Variants in GEM observed in about 807,000 individuals in gnomAD.
GEM encodes the protein GTP-binding protein GEM.
Under a neutral mutation model 33.0 loss-of-function variants are expected in GEM, and 31 were observed. That is an observed-to-expected ratio of 0.94 (90% confidence interval 0.71 to 1.27). GEM has a LOEUF of 1.27. Among genes scored for constraint, GEM ranks in the 50% most tolerant of loss-of-function variants. The pLI is 0.00. For missense variants in GEM, 354 were observed against 390.5 expected, an observed-to-expected ratio of 0.91 and a Z score of 0.79; for synonymous variants, 141 against 143.7, an observed-to-expected ratio of 0.98 and a Z score of 0.13.
chr8:94,252,171 A>T lies in GEM; in HGVS notation c.461T>A (p.Leu154Gln), dbSNP rs1808790064. Residue 154 changes from leucine to glutamine, a missense_variant, in exon 4 of 5, where the codon CTG (leucine) becomes CAG (glutamine). Coordinates refer to ENST00000297596, the MANE Select transcript of GEM (RefSeq NM_005261.4). ...DHCMQVGDAY[L>Q]IVYSITDRAS... ...TCGGTCTGTGATTGAGTAGACAATC[A>T]GGTATGCGTCCCCGACCTGCATGCA... The T allele has an allele frequency of 6.2e-7, 1 of 1,613,592 alleles. No homozygotes were observed. Among genetic ancestry groups the T allele is most frequent in the Non-Finnish European group, 8.5e-7 (1 of 1,179,658 alleles).
chr8:94,261,280 A>G (rs919658524), intron 1 of GEM, among the ~76,000 whole-genome samples: 1 of 152,194 alleles, frequency 6.6e-6, no homozygotes, highest in Non-Finnish European at 1.5e-5. Flanking sequence ...GTTCAGACCT[A>G]TGAAATTTGC....
At chr8:94,251,076 C>A (rs1040390425) in intron 4 of GEM, among the ~76,000 whole-genome samples, 5 of 152,094 alleles carry the variant, frequency 3.3e-5, no homozygotes, top group Non-Finnish European at 5.9e-5. Flanking sequence ...GTTCTCAAGC[C>A]CATACTCAAC....
At chr8:94,257,781 A>G (rs530810840) in intron 2 of GEM, among the ~76,000 whole-genome samples, 91 of 152,148 alleles carry the variant, frequency 6.0e-4, no homozygotes, top group Non-Finnish European at 7.9e-4. Context: ...ACTGTAGTGT[A>G]ACTGTAACAA....
At chr8:94,260,672 A>T (rs2129781427) in intron 1 of GEM, 160 bp from the exon 2 acceptor site, 2 of 583,810 alleles carry the variant, frequency 3.4e-6, no homozygotes, top group Non-Finnish European at 6.1e-6. Flanking sequence ...AACCCCAACA[A>T]GACAGGCTTT....
intron 4 of GEM, among the ~76,000 whole-genome samples, chr8:94,251,013 C>T (rs1217496202): frequency 6.6e-6 from 1 of 152,186 alleles, no homozygotes; most frequent in Non-Finnish European, 1.5e-5. Context: ...GGAGTCTCCT[C>T]TGCAGGTGAA....
intron 2 of GEM, among the ~76,000 whole-genome samples, chr8:94,256,451 T>C (rs184122410): frequency 5.9e-5 from 9 of 152,320 alleles, no homozygotes; most frequent in Admixed American, 1.3e-4. Flanking sequence ...TGCTTGGAAG[T>C]GAGGCCCCTT....
intron 4 of GEM, among the ~76,000 whole-genome samples, chr8:94,250,877 T>A (rs1046703103): frequency 3.3e-5 from 5 of 152,252 alleles, no homozygotes; most frequent in African/African-American, 1.2e-4. Context: ...GCCATACCCT[T>A]AATTTACTGC....
intron 2 of GEM, among the ~76,000 whole-genome samples, chr8:94,253,429 T>C (rs189373004): frequency 6.6e-6 from 1 of 152,320 alleles, no homozygotes; most frequent in East Asian, 1.9e-4. Context: ...ATAAACTTAC[T>C]CAAGAGCTTT....
At chr8:94,260,798 T>C (rs965179595) in intron 1 of GEM, 3 of 290,880 alleles carry the variant, frequency 1.0e-5, no homozygotes, top group Non-Finnish European at 1.9e-5. Context: ...GGCTTCCCCC[T>C]TCCTCAAAGC....
At position 94,250,462 on chromosome 8, in the gene GEM, C is replaced by T. The variant is rs141202489; in HGVS notation, c.739G>A (p.Glu247Lys). The change falls in exon 5 of 5, where the codon GAG becomes AAG. Residue 247 changes from glutamate (E) to lysine (K), a missense_variant. By Grantham distance (56) the Glu-to-Lys change is moderately conservative. Coordinates refer to ENST00000297596, the MANE Select transcript of GEM (RefSeq NM_005261.4). ...TAGGCCAGCCGCCGTTCATTCTTCT[C>T]CTTGCTGTCCCGCCGAAGGCGCACC... Reference protein sequence around the residue: ...RQVRLRRDSKEKNERRLAYQK... With the variant: ...RQVRLRRDSKKKNERRLAYQK... 431 of 1,614,130 alleles carry T rather than the reference C, an allele frequency of 2.7e-4. No individual in the cohort carries two copies. Among genetic ancestry groups the T allele is most frequent in the Non-Finnish European group, 3.5e-4 (415 of 1,180,048 alleles).
chr8:94,261,156 G>T (rs1285649943), intron 1 of GEM, among the ~76,000 whole-genome samples: 5 of 152,060 alleles, frequency 3.3e-5, no homozygotes, highest in Admixed American at 3.3e-4. Context: ...GGGTAGGGGG[G>T]AAATTTTCTG....
intron 2 of GEM, among the ~76,000 whole-genome samples, chr8:94,255,532 T>C (rs1265475630): frequency 6.6e-6 from 1 of 152,114 alleles, no homozygotes; most frequent in Non-Finnish European, 1.5e-5. Context: ...GCATCCCGAC[T>C]GAAGGCTCTC....
At chr8:94,254,344 T>C (rs1212122348) in intron 2 of GEM, among the ~76,000 whole-genome samples, 1 of 152,200 alleles carries the variant, frequency 6.6e-6, no homozygotes, top group Non-Finnish European at 1.5e-5. Context: ...GAATGATAAA[T>C]ATAGCATTGT....
intron 4 of GEM, among the ~76,000 whole-genome samples, chr8:94,251,591 A>G (rs1332996695): frequency 6.6e-6 from 1 of 152,238 alleles, no homozygotes; most frequent in East Asian, 1.9e-4. Flanking sequence ...ATGAAATTTC[A>G]GAAGCCAGGG....
At position 94,251,292 on chromosome 8, in the gene GEM, T is replaced by C. The variant is rs77115342; in HGVS notation, c.614-705A>G. 2.5e-3 allele frequency among the ~76,000 whole-genome samples: 383 copies of C among 152,334 alleles called. 4 individuals are homozygous for C. Among genetic ancestry groups the C allele is most frequent in the African/African-American group, 8.9e-3 (370 of 41,574 alleles). On this transcript the variant is annotated intron_variant, in intron 4 of 4. Transcript: ENST00000297596. Reference sequence around the variant, plus strand: ...AGTATTTCATTGCATTCAATGACCATGCATCAAGTTTTGGTTTGGAAAAAA... The same window carrying C: ...AGTATTTCATTGCATTCAATGACCACGCATCAAGTTTTGGTTTGGAAAAAA...
intron 2 of GEM, among the ~76,000 whole-genome samples, chr8:94,259,289 C>T (rs1301972340): frequency 6.6e-6 from 1 of 152,206 alleles, no homozygotes; most frequent in Non-Finnish European, 1.5e-5. Context: ...AGACACCTCC[C>T]TACTCTGTGA....
In GEM at chr8:94,260,258, C is replaced by T. The variant is rs1264445474; in HGVS notation, c.246G>A (p.Gly82=). ...GNTYYRVVLI[G]EQGVGKSTLA... The stretch of plus-strand genomic sequence containing the variant: ...GAGTGGACTTGCCCACCCCCTGCTC[C>T]CCTATGAGCACCACTCGGTAGTAGG... Residue 82 remains glycine (G), a synonymous_variant, in exon 2 of 5, where the codon GGG becomes GGA. Transcript: ENST00000297596. 4.3e-6 allele frequency: 7 copies of T among 1,613,590 alleles called. No individual in the cohort carries two copies. The Middle Eastern group carries it at 5.0e-4, about 114-fold the overall frequency.
chr8:94,255,506 C>G (rs1808871926), intron 2 of GEM, among the ~76,000 whole-genome samples: 1 of 152,120 alleles, frequency 6.6e-6, no homozygotes, highest in East Asian at 1.9e-4. Flanking sequence ...GCACCAGGAC[C>G]CTTCCAGCAC....
In GEM at chr8:94,249,665, T is replaced by C. The variant is rs1015655119; in HGVS notation, c.*645A>G. On this transcript the variant is annotated 3_prime_UTR_variant, in exon 5 of 5. Coordinates refer to ENST00000297596, the MANE Select transcript of GEM (RefSeq NM_005261.4). ...AATAATTTCCCCCTAAATAAGAAAT[T>C]GTAAGATATAATTTTTGAGCCTATA... 2.4e-4 allele frequency: 36 copies of C among 152,126 alleles called. No individual in the cohort carries two copies. The highest frequency in any genetic ancestry group is 8.2e-4 in the African/African-American group (34 of 41,496). 9.4% of individuals were successfully genotyped at this position (152,126 alleles called of 1,614,324 possible). A position where few individuals can be genotyped will look rare whatever the true frequency, so the allele number is the denominator to read the frequency against.
Sources: allele counts gnomAD v4.1 joint callset (sites outside exome capture counted in the v4.1 genomes callset), GRCh38; gene constraint gnomAD v4.1.1; transcripts MANE v1.5; gene names NCBI Gene and HGNC (gene_info 2026-07-23, HGNC 2026-07-21).